MGAM: variants seen among roughly 807,000 people sequenced by gnomAD.
The protein encoded by MGAM is alpha-1,4-glucosidase.
MGAM carries 253 observed loss-of-function variants against 358.8 expected under a neutral mutation model. That is an observed-to-expected ratio of 0.71 (90% CI 0.64 to 0.78). MGAM has a LOEUF of 0.78. Among genes scored for constraint, MGAM ranks in the 30% least tolerant of loss-of-function variants. MGAM has a pLI of 0.00. For synonymous variants in MGAM, 1,105 were observed against 1,227.1 expected, an observed-to-expected ratio of 0.90 and a Z score of 2.08; for missense variants, 3,080 against 3,432.6, an observed-to-expected ratio of 0.90 and a Z score of 2.57.
chr7:141,997,649 G>C (rs978070540), intron 1 of MGAM, among the ~76,000 whole-genome samples: 64 of 152,262 alleles, frequency 4.2e-4, no homozygotes, highest in African/African-American at 1.5e-3. Flanking sequence ...CTGTCTCCTA[G>C]AGATGATCCT....
At position 142,040,020 on chromosome 7, in the gene MGAM, C is replaced by T. The variant is rs529039094; in HGVS notation, c.2317-95C>T. ...AAGAAAGGCATAATAGCAGGGCATT[C>T]CTGCCCTCTCTGTGTATGATTAAGA... On this transcript the variant is annotated intron_variant, in intron 19 of 70. Transcript: ENST00000475668. The T allele has an allele frequency of 1.6e-5, 15 of 939,544 alleles. No homozygotes were observed. In the East Asian group the frequency reaches 3.9e-4, roughly 25 times the overall value. The allele number at this position is 939,544 out of a possible 1,614,324, so 58.2% of individuals were successfully genotyped here.
chr7:142,019,850 C>A (rs1166078432), intron 4 of MGAM, among the ~76,000 whole-genome samples: 1 of 152,132 alleles, frequency 6.6e-6, no homozygotes, highest in African/African-American at 2.4e-5. Context: ...GGATAGATCA[C>A]CTGAGCTCAG....
intron 34 of MGAM, among the ~76,000 whole-genome samples, chr7:142,061,020 C>T (rs994359989): frequency 2.0e-5 from 3 of 151,990 alleles, no homozygotes; most frequent in Admixed American, 1.3e-4. Context: ...ATTTTTTTCC[C>T]GATTGACTAA....
intron 63 of MGAM, among the ~76,000 whole-genome samples, chr7:142,095,314 TG>T (rs1815795365): frequency 6.6e-6 from 1 of 152,262 alleles, no homozygotes; most frequent in Non-Finnish European, 1.5e-5. Flanking sequence ...TATTATGTTT[TG>T]TTCTTCTTGT....
At chr7:142,014,582 C>T (rs1350638229) in intron 3 of MGAM, among the ~76,000 whole-genome samples, 3 of 152,118 alleles carry the variant, frequency 2.0e-5, no homozygotes, top group African/African-American at 7.2e-5. Flanking sequence ...GTCCCCCACG[C>T]ATATCCCTTC....
At chr7:142,097,699 A>G (rs997634710) in intron 66 of MGAM, 50 bp downstream of exon 66, 1 of 1,547,894 alleles carries the variant, frequency 6.5e-7, no homozygotes, top group Non-Finnish European at 8.9e-7. Context: ...TAGAGAGTAC[A>G]AAGGCTTTAG....
At chr7:142,008,354 A>G (rs1334491454) in intron 2 of MGAM, among the ~76,000 whole-genome samples, 152 bp from the exon 3 acceptor site, 2 of 152,224 alleles carry the variant, frequency 1.3e-5, no homozygotes, top group African/African-American at 4.8e-5. Flanking sequence ...CAGCAGGAAC[A>G]AAGTGACATT....
At position 142,064,404 on chromosome 7, in the gene MGAM, G is replaced by A; in HGVS notation, c.4366G>A (p.Gly1456Ser). Reference sequence around the variant, plus strand: ...CTCAGATTTGGAGTCCAGGGACAGGGGCCTGAGCAGCAAGACCCTTTGTAT... The same window carrying A: ...CTCAGATTTGGAGTCCAGGGACAGGAGCCTGAGCAGCAAGACCCTTTGTAT... ...YMPHLESRDR[G>S]LSSKTLCMES... The change falls in exon 37 of 71, where the codon GGC becomes AGC. Residue 1456 changes from glycine to serine, a missense_variant. By Grantham distance (56) the Gly-to-Ser change is moderately conservative. Coordinates refer to ENST00000475668, the MANE Select transcript of MGAM (RefSeq NM_001365693.1). The A allele has an allele frequency of 6.2e-7, 1 of 1,608,570 alleles. No individual in the cohort carries two copies. Among genetic ancestry groups the A allele is most frequent in the African/African-American group, 1.3e-5 (1 of 74,950 alleles).
intron 34 of MGAM, 125 bp from the exon 35 acceptor site, chr7:142,062,443 G>C (rs1176521023): frequency 4.1e-6 from 5 of 1,233,378 alleles, no homozygotes; most frequent in Admixed American, 5.4e-5. Flanking sequence ...ACATTATTTA[G>C]GCCCTGTTCA....
chr7:142,045,014 A>T (rs1330045141), intron 21 of MGAM, among the ~76,000 whole-genome samples: 7 of 97,740 alleles, frequency 7.2e-5, no homozygotes, highest in African/African-American at 2.6e-4. Context: ...TATGATATAT[A>T]ATATGTATAT....
chr7:142,040,144 T>G lies in MGAM; in HGVS notation c.2346T>G (p.Pro782=). 1 of 1,612,638 alleles carries G rather than the reference T, an allele frequency of 6.2e-7. No individual in the cohort carries two copies. Among genetic ancestry groups the G allele is most frequent in the Non-Finnish European group, 8.5e-7 (1 of 1,179,138 alleles). Residue 782 remains proline (P), a synonymous_variant, in exon 20 of 71, where the codon CCT becomes CCG. Transcript: ENST00000475668. The stretch of plus-strand genomic sequence containing the variant: ...CAGAGAAAGTGATGGCATATGTGCC[T>G]GATGCTGTCTGGTATGACTACGAGA... ...EGAEKVMAYV[P]DAVWYDYETG... is the part of the protein sequence containing the mutation.
chr7:142,044,681 A>G (rs1187610346), intron 21 of MGAM, among the ~76,000 whole-genome samples: 1 of 73,414 alleles, frequency 1.4e-5, no homozygotes, highest in Non-Finnish European at 3.0e-5. Context: ...CGTGTAATAT[A>G]TGATGTATAA....
intron 1 of MGAM, among the ~76,000 whole-genome samples, chr7:141,999,631 T>C (rs1210359447): frequency 2.0e-5 from 3 of 152,232 alleles, no homozygotes; most frequent in African/African-American, 7.2e-5. Context: ...CAATCACTGT[T>C]AACCATTATT....
chr7:142,043,139 C>G (rs377187006), intron 21 of MGAM, among the ~76,000 whole-genome samples: 87 of 9,910 alleles, frequency 8.8e-3, no homozygotes, highest in South Asian at 0.014. Context: ...ATTATATATA[C>G]ATATAATATC....
intron 21 of MGAM, among the ~76,000 whole-genome samples, chr7:142,043,727 A>G (rs62650364): frequency 0.15 from 8,262 of 56,378 alleles, 1,785 homozygotes; most frequent in Admixed American, 0.24. Flanking sequence ...AATATGTAAT[A>G]TATAATATAT....
intron 21 of MGAM, among the ~76,000 whole-genome samples, chr7:142,045,207 TA>T (rs796595635): frequency 0.53 from 42,409 of 79,912 alleles, 12,888 homozygotes; most frequent in African/African-American, 0.68. Flanking sequence ...ATATATTATA[TA>T]ACATATATGT....
At position 142,100,827 on chromosome 7, in the gene MGAM, A is replaced by G; in HGVS notation, c.7900A>G (p.Ile2634Val). The change falls in exon 68 of 71, where the codon ATT becomes GTT. Residue 2634 changes from isoleucine (I) to valine (V), a missense_variant. Ile to Val is a conservative substitution (Grantham distance 29, BLOSUM62 3). Coordinates refer to ENST00000475668, the MANE Select transcript of MGAM (RefSeq NM_001365693.1). ...LSRQKFMGFK[I>V]ALDDEGTAGG... ...CCGCCAGAAATTCATGGGCTTCAAAATTGCCTTGGATGATGAAGGAACTGC... is the reference window on the plus strand; with the variant it reads ...CCGCCAGAAATTCATGGGCTTCAAAGTTGCCTTGGATGATGAAGGAACTGC... 1 of 1,612,896 alleles carries G rather than the reference A, an allele frequency of 6.2e-7. No homozygotes were observed. The highest frequency in any genetic ancestry group is 8.5e-7 in the Non-Finnish European group (1 of 1,179,542).
At chr7:142,034,972 C>T (rs1264166572) in intron 16 of MGAM, 131 bp downstream of exon 16, 2 of 850,782 alleles carry the variant, frequency 2.4e-6, no homozygotes, top group Admixed American at 2.8e-5. Context: ...AGAGCATGTG[C>T]TTCATCCACA....
intron 69 of MGAM, 119 bp downstream of exon 69, chr7:142,102,798 T>G: frequency 1.0e-6 from 1 of 995,500 alleles, no homozygotes; most frequent in Non-Finnish European, 1.5e-6. Context: ...CTAATTCACA[T>G]TCTTCTACTT....
Sources: gnomAD v4.1 joint callset for allele counts (sites outside exome capture counted in the v4.1 genomes callset) on GRCh38, gnomAD v4.1.1 for gene constraint, MANE v1.5 for transcripts, NCBI Gene and HGNC (gene_info 2026-07-23, HGNC 2026-07-21) for gene names.